The following RICTOR variants were observed in gnomAD, a reference collection of about 807,000 sequenced individuals.
The protein encoded by RICTOR is rapamycin-insensitive companion of mTOR.
Under a neutral mutation model 214.9 loss-of-function variants are expected in RICTOR, and 49 were observed. That is an observed-to-expected ratio of 0.23 (90% CI 0.18 to 0.29). RICTOR has a LOEUF of 0.29. Among genes scored for constraint, RICTOR ranks in the 10% least tolerant of loss-of-function variants. RICTOR has a pLI of 1.00. For synonymous variants in RICTOR, 717 were observed against 711.3 expected (o/e 1.01, Z -0.13); for missense variants, 1,625 against 2,047.0 (o/e 0.79, Z 3.98).
rs1748330955 is a variant in RICTOR, at chr5:38,947,426, T to G, written c.4152A>C (p.Leu1384Phe). ...CTTCTTTATCTAATGATGCATAACTTAAGGCTTTCATGAACCTATAAAACC... is the reference window on the plus strand; with the variant it reads ...CTTCTTTATCTAATGATGCATAACTGAAGGCTTTCATGAACCTATAAAACC... Reference protein sequence around the residue: ...RLTPSRFMKALSYASLDKEDL... With the variant: ...RLTPSRFMKAFSYASLDKEDL... The change falls in exon 32 of 38, where the codon TTA (leucine) becomes TTC (phenylalanine). Residue 1384 changes from leucine (L) to phenylalanine (F), a missense_variant. This residue lies in a region of RICTOR where 1,214 missense variants were observed against 1,470.5 expected (regional missense o/e 0.83). Transcript: ENST00000357387. 1 of 1,608,814 alleles carries G rather than the reference T, an allele frequency of 6.2e-7. No homozygotes were observed. Among genetic ancestry groups the G allele is most frequent in the South Asian group, 1.1e-5 (1 of 90,914 alleles).
intron 2 of RICTOR, among the ~76,000 whole-genome samples, chr5:39,064,545 T>C (rs1358964272): frequency 6.6e-6 from 1 of 152,218 alleles, no homozygotes; most frequent in Non-Finnish European, 1.5e-5. Flanking sequence ...GGACTGTATT[T>C]AATAGCTTGG....
At chr5:38,993,281 G>A (rs1313744272) in intron 6 of RICTOR, among the ~76,000 whole-genome samples, 1 of 152,108 alleles carries the variant, frequency 6.6e-6, no homozygotes, top group Non-Finnish European at 1.5e-5. Flanking sequence ...AAAGTTTGTG[G>A]AATTCCTTAT....
chr5:38,963,738 T>C (rs1358356576), intron 16 of RICTOR, among the ~76,000 whole-genome samples: 2 of 151,888 alleles, frequency 1.3e-5, no homozygotes, highest in Non-Finnish European at 2.9e-5. Context: ...GAAGATAAAT[T>C]TGAATTCCTG....
At chr5:38,968,260 T>C (rs777763089) in intron 11 of RICTOR, among the ~76,000 whole-genome samples, 2 of 152,182 alleles carry the variant, frequency 1.3e-5, no homozygotes, top group Non-Finnish European at 2.9e-5. Context: ...AGCAGTCATA[T>C]TGTCTGTCAC....
intron 9 of RICTOR, among the ~76,000 whole-genome samples, chr5:38,977,985 C>T (rs2150053757): frequency 6.6e-6 from 1 of 152,236 alleles, no homozygotes; most frequent in South Asian, 2.1e-4. Flanking sequence ...GCAATAAAGT[C>T]TACCAGAAAA....
intron 5 of RICTOR, among the ~76,000 whole-genome samples, chr5:39,001,782 G>C (rs1753642719): frequency 6.6e-6 from 1 of 151,894 alleles, no homozygotes; most frequent in African/African-American, 2.4e-5. Flanking sequence ...TCACTCACCG[G>C]GGAACACAAG....
At chr5:38,970,392 C>T (rs1245272811) in intron 11 of RICTOR, 1 of 152,102 alleles carries the variant, frequency 6.6e-6, no homozygotes, top group African/African-American at 2.4e-5. Context: ...ATGGAGCTAA[C>T]AAAAAAGTAA....
At chr5:39,062,325 T>TA (rs1758599175) in intron 2 of RICTOR, among the ~76,000 whole-genome samples, 2 of 152,124 alleles carry the variant, frequency 1.3e-5, no homozygotes, top group Admixed American at 1.3e-4. Context: ...GGCTAAATGT[T>TA]AAGAGTTCAC....
intron 6 of RICTOR, among the ~76,000 whole-genome samples, chr5:38,996,383 G>A (rs1001194412): frequency 6.6e-6 from 1 of 152,116 alleles, no homozygotes; most frequent in African/African-American, 2.4e-5. Flanking sequence ...ATTGTTTATT[G>A]CAACTGCCCA....
At chr5:39,011,907 ACT>A (rs1754550053) in intron 3 of RICTOR, among the ~76,000 whole-genome samples, 1 of 151,990 alleles carries the variant, frequency 6.6e-6, no homozygotes, top group African/African-American at 2.4e-5. Context: ...TTGGACTTGG[ACT>A]TTTGGGTTAA....
At chr5:38,993,438 A>C (rs895187599) in intron 6 of RICTOR, among the ~76,000 whole-genome samples, 5 of 152,096 alleles carry the variant, frequency 3.3e-5, no homozygotes, top group African/African-American at 9.7e-5. Context: ...AAGCCAGAAA[A>C]GAGCTGCCTG....
At chr5:38,947,554 T>G in intron 31 of RICTOR, 113 bp from the exon 32 acceptor site, 1 of 724,900 alleles carries the variant, frequency 1.4e-6, no homozygotes, top group Non-Finnish European at 2.3e-6. Flanking sequence ...TAGTCATGTA[T>G]TAAGCAGTGT....
At chr5:38,966,011 T>C (rs368203567) in intron 15 of RICTOR, among the ~76,000 whole-genome samples, 13 of 152,136 alleles carry the variant, frequency 8.5e-5, no homozygotes, top group East Asian at 5.8e-4. Context: ...GGATCCCTCA[T>C]TGATTGATTT....
intron 11 of RICTOR, among the ~76,000 whole-genome samples, chr5:38,968,933 G>A (rs556583359): frequency 7.4e-5 from 11 of 149,588 alleles, no homozygotes; most frequent in Non-Finnish European, 1.2e-4. Context: ...CCCTGTATAG[G>A]CCTAGGCTAG....
intron 7 of RICTOR, among the ~76,000 whole-genome samples, chr5:38,988,170 T>C (rs1752318634): frequency 6.6e-6 from 1 of 152,166 alleles, no homozygotes; most frequent in African/African-American, 2.4e-5. Context: ...GAGAAGAATG[T>C]ATATTCTGTT....
At chr5:38,965,746 CT>C (rs1750161864) in intron 15 of RICTOR, among the ~76,000 whole-genome samples, 1 of 151,918 alleles carries the variant, frequency 6.6e-6, no homozygotes, top group African/African-American at 2.4e-5. Context: ...TTAAATTCTG[CT>C]TAATGCTCTT....
At chr5:39,017,636 C>T (rs1345644342) in intron 3 of RICTOR, among the ~76,000 whole-genome samples, 2 of 151,742 alleles carry the variant, frequency 1.3e-5, no homozygotes, top group East Asian at 3.9e-4. Flanking sequence ...AACTTCACTA[C>T]GGAAAAATAA....
At chr5:38,986,115 G>A (rs1752150175) in intron 7 of RICTOR, among the ~76,000 whole-genome samples, 1 of 152,120 alleles carries the variant, frequency 6.6e-6, no homozygotes, top group Non-Finnish European at 1.5e-5. Context: ...CCCACGTGTC[G>A]AGGAAGGGAC....
chr5:39,055,730 C>T (rs1227106027), intron 2 of RICTOR, among the ~76,000 whole-genome samples: 3 of 151,884 alleles, frequency 2.0e-5, no homozygotes, highest in African/African-American at 4.8e-5. Flanking sequence ...TTCAACACTG[C>T]GAGGGAAGAT....
Sources: allele counts gnomAD v4.1 joint callset (sites outside exome capture counted in the v4.1 genomes callset), GRCh38; gene constraint gnomAD v4.1.1; regional missense constraint gnomAD v4.1.1; transcripts MANE v1.5; gene names NCBI Gene and HGNC (gene_info 2026-07-23, HGNC 2026-07-21).